Variants in NEAT1 observed in about 807,000 individuals in gnomAD.
NEAT1 encodes the protein MENepsilon/beta.
exon 1 of NEAT1, chr11:65,435,078 G>A (rs1348809813): frequency 6.6e-6 from 1 of 152,202 alleles, no homozygotes; most frequent in African/African-American, 2.4e-5. Flanking sequence ...TCACACTGTG[G>A]CTTTGTCCTC....
exon 1 of NEAT1, chr11:65,435,835 G>A (rs763105536): frequency 6.6e-6 from 1 of 152,164 alleles, no homozygotes; most frequent in Non-Finnish European, 1.5e-5. Context: ...GGGTCCTGCA[G>A]GCCCCAGAGT....
At chr11:65,423,414 GC>G (rs1856521636) in exon 1 of NEAT1, 2 of 152,054 alleles carry the variant, frequency 1.3e-5, no homozygotes, top group African/African-American at 4.8e-5. Flanking sequence ...CTGGGACGGG[GC>G]CCAGGCCGGG....
chr11:65,440,633 AG>A (rs1308406354), exon 1 of NEAT1: 1 of 152,002 alleles, frequency 6.6e-6, no homozygotes, highest in Non-Finnish European at 1.5e-5. Flanking sequence ...TCACGAGGTC[AG>A]GAGTTCGAGA....
exon 1 of NEAT1, chr11:65,427,675 T>C (rs947532508): frequency 2.6e-5 from 4 of 152,126 alleles, no homozygotes; most frequent in Non-Finnish European, 5.9e-5. Flanking sequence ...TTTCCCTGGA[T>C]GCCCCAGAAA....
chr11:65,425,890 T>C (rs547809425), exon 1 of NEAT1: 13 of 152,326 alleles, frequency 8.5e-5, no homozygotes, highest in Admixed American at 7.2e-4. Flanking sequence ...GTAGACAGAA[T>C]CCATGTACCT....
At chr11:65,425,142 C>T (rs1055179818) in exon 1 of NEAT1, 2 of 152,048 alleles carry the variant, frequency 1.3e-5, no homozygotes, top group African/African-American at 4.8e-5. Flanking sequence ...TAAGTTGTTG[C>T]TTGGAAGTGA....
At chr11:65,422,839 T>TG (rs1335776952) in exon 1 of NEAT1, 4 of 145,126 alleles carry the variant, frequency 2.8e-5, no homozygotes, top group African/African-American at 1.0e-4. Flanking sequence ...GGTGTAGTTG[T>TG]GGGGGAGGAA....
At chr11:65,429,733 C>G (rs554059914) in exon 1 of NEAT1, 1 of 151,286 alleles carries the variant, frequency 6.6e-6, no homozygotes, top group East Asian at 1.9e-4. Context: ...ATGTGTAGAT[C>G]TTTTCCACCC....
At chr11:65,435,502 G>C (rs1038682628) in exon 1 of NEAT1, 1 of 152,178 alleles carries the variant, frequency 6.6e-6, no homozygotes, top group Non-Finnish European at 1.5e-5. Context: ...TGGCTTTGAG[G>C]TTATTTGCAG....
exon 1 of NEAT1, chr11:65,442,945 G>A (rs1856728133): frequency 6.6e-6 from 1 of 152,218 alleles, no homozygotes; most frequent in East Asian, 1.9e-4. Context: ...TGTATAATTT[G>A]ACCCTAGTTA....
chr11:65,435,952 A>G (rs1214469263), exon 1 of NEAT1: 1 of 152,238 alleles, frequency 6.6e-6, no homozygotes, highest in Non-Finnish European at 1.5e-5. Context: ...ATGATCTTTT[A>G]TTCACTTGTC....
exon 1 of NEAT1, chr11:65,442,873 C>T (rs1397115251): frequency 6.6e-6 from 1 of 152,150 alleles, no homozygotes. Context: ...GAGTGAGACT[C>T]CGTCTCAAAA....
exon 1 of NEAT1, chr11:65,444,413 C>T (rs746506025): frequency 2.7e-4 from 129 of 470,428 alleles, no homozygotes; most frequent in South Asian, 5.0e-4. Flanking sequence ...CCTGGCCTGA[C>T]ATGTGTGTCC....
chr11:65,442,462 G>A (rs1213279110), exon 1 of NEAT1: 3 of 152,282 alleles, frequency 2.0e-5, no homozygotes, highest in Admixed American at 6.5e-5. Context: ...GAAGGAAATG[G>A]CTGGAGCCTG....
At chr11:65,435,726 G>A (rs1856652217) in exon 1 of NEAT1, 1 of 152,204 alleles carries the variant, frequency 6.6e-6, no homozygotes, top group Non-Finnish European at 1.5e-5. Context: ...CTCTCCTCAT[G>A]TGCCGTGGAA....
chr11:65,444,216 T>C, exon 1 of NEAT1: 1 of 270,582 alleles, frequency 3.7e-6, no homozygotes, highest in Non-Finnish European at 7.2e-6. Flanking sequence ...CTTTGAGAGG[T>C]CTGAGGCCTG....
chr11:65,435,753 T>C (rs1856652551), exon 1 of NEAT1: 2 of 152,190 alleles, frequency 1.3e-5, no homozygotes, highest in South Asian at 2.1e-4. Context: ...TAAAACTGCG[T>C]AGTGGCTGCA....
At chr11:65,436,849 C>A (rs1232519810) in exon 1 of NEAT1, 1 of 152,014 alleles carries the variant, frequency 6.6e-6, no homozygotes, top group Admixed American at 6.6e-5. Flanking sequence ...GCAAGTATAT[C>A]TGTGAGAGAA....
chr11:65,438,357 CTAAGAA>C (rs1856683947), exon 1 of NEAT1: 1 of 152,094 alleles, frequency 6.6e-6, no homozygotes. Context: ...ATTGTTTCTT[CTAAGAA>C]TATTTATTTT....
Sources: gnomAD v4.1 joint callset for allele counts on GRCh38, gnomAD v4.1.1 for gene constraint, MANE v1.5 for transcripts, NCBI Gene and HGNC (gene_info 2026-07-23, HGNC 2026-07-21) for gene names.